KCNG4: variants seen among roughly 807,000 people sequenced by gnomAD.
KCNG4 encodes potassium voltage-gated channel modifier subfamily G member 4.
KCNG4 carries 30 observed loss-of-function variants against 28.2 expected under a neutral mutation model. The ratio of observed to expected loss-of-function variants is 1.06; its 90% CI spans 0.80 to 1.44. The LOEUF is 1.44. Among genes scored for constraint, KCNG4 ranks in the 40% most tolerant of loss-of-function variants. The pLI is 0.00. For missense variants in KCNG4, 879 were observed against 712.3 expected (o/e 1.23, Z -2.66); for synonymous variants, 375 against 315.5 (o/e 1.19, Z -2.00).
Position 84,222,145 on chromosome 16 carries a change from C to A in KCNG4, c.*72G>T, listed in dbSNP as rs564756592. The A allele has an allele frequency of 2.0e-6, 3 of 1,495,610 alleles. No individual in the cohort carries two copies. In the South Asian group the frequency reaches 3.6e-5, roughly 18 times the overall value. The allele number at this position is 1,495,610 out of a possible 1,614,324, so 92.6% of individuals were successfully genotyped here. A position where few individuals can be genotyped will look rare whatever the true frequency, so the allele number is the denominator to read the frequency against. ...TAGAAACACCACCAGGTGGTCTATG[C>A]GGGGTACCCTTGAGTGTGTTTCAGG... is the stretch of plus-strand genomic sequence containing the variant. On this transcript the variant is annotated 3_prime_UTR_variant, in exon 3 of 3. Transcript: ENST00000308251.
At chr16:84,223,441 G>A (rs775466509) in intron 2 of KCNG4, among the ~76,000 whole-genome samples, 32 of 152,160 alleles carry the variant, frequency 2.1e-4, no homozygotes, top group Non-Finnish European at 3.5e-4. Context: ...AAGAGTTGTC[G>A]ATACTCACCT....
At chr16:84,230,742 C>A (rs1408928914) in intron 2 of KCNG4, among the ~76,000 whole-genome samples, 1 of 152,242 alleles carries the variant, frequency 6.6e-6, no homozygotes, top group East Asian at 1.9e-4. Context: ...TCACCAAGGG[C>A]ACCTTACTTG....
At position 84,222,681 on chromosome 16, in the gene KCNG4, G is replaced by A. The variant is rs758835601; in HGVS notation, c.1096C>T (p.Arg366Cys). ...AGCAGGCCGAACTCACGTGTGCAAC[G>A]GCGCACGGTGAGCCCCAGCGTCTGC... ...GLQTLGLTVR[R>C]CTREFGLLLL... Residue 366 changes from arginine (R) to cysteine (C), a missense_variant, in exon 3 of 3, where the codon CGT becomes TGT. Transcript: ENST00000308251. The A allele has an allele frequency of 2.5e-5, 40 of 1,613,000 alleles. No homozygotes were observed. In the Middle Eastern group the frequency reaches 4.9e-4, roughly 20 times the overall value.
At position 84,222,974 on chromosome 16, in the gene KCNG4, A is replaced by G. The variant is rs891464913; in HGVS notation, c.803T>C (p.Ile268Thr). The G allele has an allele frequency of 1.3e-6, 2 of 1,554,644 alleles. No individual in the cohort carries two copies. The highest frequency in any genetic ancestry group is 1.7e-6 in the Non-Finnish European group (2 of 1,149,912). ...CTCCAGGGAGAACCAGGCCACGCAG[A>G]TGGTCTCCACGATGAAAATATAGTA... ...KCYYIFIVET[I>T]CVAWFSLEFC... Residue 268 changes from isoleucine to threonine, a missense_variant, in exon 3 of 3, where the codon ATC becomes ACC. By Grantham distance (89) the Ile-to-Thr change is moderately conservative. Coordinates refer to ENST00000308251, the MANE Select transcript of KCNG4 (RefSeq NM_172347.3).
chr16:84,237,446 G>C lies in KCNG4; in HGVS notation c.40C>G (p.His14Asp), dbSNP rs1331055873. 8.6e-6 allele frequency: 13 copies of C among 1,506,486 alleles called. No homozygotes were observed. Among genetic ancestry groups the C allele is most frequent in the Non-Finnish European group, 1.2e-5 (13 of 1,128,480 alleles). 93.3% of individuals were successfully genotyped at this position (1,506,486 alleles called of 1,614,324 possible). A position where few individuals can be genotyped will look rare whatever the true frequency, so the allele number is the denominator to read the frequency against. ...GGGCTGTGGGAACCATAGTGGTGGT[G>C]TCTGGGATGCAGGCCCCCGTCTCTG... ...PSRDGGLHPRHHHYGSHSPWS... is the reference protein window; with the variant it reads ...PSRDGGLHPRDHHYGSHSPWS... Residue 14 changes from histidine (H) to aspartate (D), a missense_variant, in exon 2 of 3, where the codon CAC (histidine) becomes GAC (aspartate). Coordinates refer to ENST00000308251, the MANE Select transcript of KCNG4 (RefSeq NM_172347.3).
chr16:84,222,627 G>C lies in KCNG4; in HGVS notation c.1150C>G (p.Leu384Val), dbSNP rs1157212824. Reference sequence around the variant, plus strand: ...GCCACGTAGACCAAAGGGGAGAAGAGGGTGATGGCCACGGCCAGGAAGAGA... The same window carrying C: ...GCCACGTAGACCAAAGGGGAGAAGACGGTGATGGCCACGGCCAGGAAGAGA... ...LLLFLAVAITLFSPLVYVAEK... is the reference protein window; with the variant it reads ...LLLFLAVAITVFSPLVYVAEK... The change falls in exon 3 of 3, where the codon CTC (leucine) becomes GTC (valine). Residue 384 changes from leucine (L) to valine (V), a missense_variant. By Grantham distance (32) the Leu-to-Val change is conservative (BLOSUM62 1). Coordinates refer to ENST00000308251, the MANE Select transcript of KCNG4 (RefSeq NM_172347.3). 6.2e-6 allele frequency: 10 copies of C among 1,613,380 alleles called. No individual in the cohort carries two copies. In the South Asian group the frequency reaches 1.1e-4, roughly 18 times the overall value.
In KCNG4 at chr16:84,226,029, G is replaced by A. The variant is rs1194860813; in HGVS notation, c.757-3009C>T. On this transcript the variant is annotated intron_variant, in intron 2 of 2. Coordinates refer to ENST00000308251, the MANE Select transcript of KCNG4 (RefSeq NM_172347.3). The surrounding 1 kb of genome is among the most constrained non-coding windows in gnomAD (Gnocchi z 4.1). ...AAAAAGTTTTCCTTTCTCCCTTTGT[G>A]GAAGTTCTGTGCTTAAACCCAGAAA... Among the ~76,000 whole-genome samples the A allele has an allele frequency of 6.6e-6, 1 of 152,354 alleles. No individual in the cohort carries two copies. The highest frequency in any genetic ancestry group is 1.5e-5 in the Non-Finnish European group (1 of 68,024).
intron 2 of KCNG4, among the ~76,000 whole-genome samples, chr16:84,232,866 T>C (rs1904857964): frequency 1.5e-5 from 2 of 130,730 alleles, no homozygotes; most frequent in Admixed American, 9.1e-5. Context: ...GCCACTGTAC[T>C]CCAGCCTGGG....
chr16:84,219,937 C>G lies in KCNG4; in HGVS notation c.*2280G>C, dbSNP rs1904517844. On this transcript the variant is annotated 3_prime_UTR_variant, in exon 3 of 3. Transcript: ENST00000308251. Reference sequence around the variant, plus strand: ...TAGCTGGGATTACAGGTGGTGGGTGCCTGTAATCCCCGCTATTTGGGAGGC... The same window carrying G: ...TAGCTGGGATTACAGGTGGTGGGTGGCTGTAATCCCCGCTATTTGGGAGGC... 6.6e-6 allele frequency: 1 copy of G among 151,208 alleles called. No individual in the cohort carries two copies. The highest frequency in any genetic ancestry group is 6.6e-5 in the Admixed American group (1 of 15,158). 9.4% of individuals were successfully genotyped at this position (151,208 alleles called of 1,614,324 possible).
In KCNG4 at chr16:84,236,829, G is replaced by C. The variant is rs749251732; in HGVS notation, c.657C>G (p.Pro219=). The C allele has an allele frequency of 1.2e-6, 2 of 1,613,606 alleles. No individual in the cohort carries two copies. Among genetic ancestry groups the C allele is most frequent in the Admixed American group, 1.7e-5 (1 of 60,028 alleles). ...TGGAGAGGCAAGCGAAGACCTTCCC[G>C]GGCAGCCCGGACTGCGGGTTTTCCA... is the stretch of plus-strand genomic sequence containing the variant. ...EMVENPQSGL[P]GKVFACLSIL... The change falls in exon 2 of 3, where the codon CCC becomes CCG. Residue 219 remains proline (P), a synonymous_variant. Coordinates refer to ENST00000308251, the MANE Select transcript of KCNG4 (RefSeq NM_172347.3).
intron 2 of KCNG4, among the ~76,000 whole-genome samples, chr16:84,229,912 A>G (rs1257658374): frequency 2.0e-5 from 3 of 152,250 alleles, no homozygotes; most frequent in African/African-American, 4.8e-5. Flanking sequence ...CCAAGCACAG[A>G]GAAGCTCCAG....
At chr16:84,229,329 G>C (rs1422825547) in intron 2 of KCNG4, among the ~76,000 whole-genome samples, 1 of 152,100 alleles carries the variant, frequency 6.6e-6, no homozygotes, top group Non-Finnish European at 1.5e-5. Flanking sequence ...CTGCCACTGA[G>C]GGAGCATTAC....
At position 84,220,766 on chromosome 16, in the gene KCNG4, T is replaced by C. The variant is rs1272788890; in HGVS notation, c.*1451A>G. ...GGAGAAGCCAGGATTTGACAGAATC[T>C]TGCAGGATTAAGCCCGTGAAGGAGG... On this transcript the variant is annotated 3_prime_UTR_variant, in exon 3 of 3. Coordinates refer to ENST00000308251, the MANE Select transcript of KCNG4 (RefSeq NM_172347.3). The C allele has an allele frequency of 6.6e-6, 1 of 152,284 alleles. No individual in the cohort carries two copies. The highest frequency in any genetic ancestry group is 1.5e-5 in the Non-Finnish European group (1 of 68,084). The allele number at this position is 152,284 out of a possible 1,614,324, so 9.4% of individuals were successfully genotyped here. A position where few individuals can be genotyped will look rare whatever the true frequency, so the allele number is the denominator to read the frequency against.
At chr16:84,238,859 C>G (rs1311206747) in intron 1 of KCNG4, among the ~76,000 whole-genome samples, 1 of 151,794 alleles carries the variant, frequency 6.6e-6, no homozygotes, top group Non-Finnish European at 1.5e-5. Context: ...CAGAGCGAGA[C>G]TCCATCTCAA....
rs199773449 is a variant in KCNG4 at position 84,222,531 on chromosome 16, T to C, written c.1246A>G (p.Met416Val). The C allele has an allele frequency of 6.2e-7, 1 of 1,613,474 alleles. No individual in the cohort carries two copies. The highest frequency in any genetic ancestry group is 1.3e-5 in the African/African-American group (1 of 75,042). The change falls in exon 3 of 3, where the codon ATG (methionine) becomes GTG (valine). Residue 416 changes from methionine (M) to valine (V), a missense_variant. Met to Val is a conservative substitution (Grantham distance 21, BLOSUM62 1). Coordinates refer to ENST00000308251, the MANE Select transcript of KCNG4 (RefSeq NM_172347.3). The stretch of plus-strand genomic sequence containing the variant: ...ATGTCCCCGTAGCCCACCGTTGTCA[T>C]GGAGATGATGGCCCACCAATAGGAG... ...PASYWWAIIS[M>V]TTVGYGDMVP...
chr16:84,237,234 G>C lies in KCNG4; in HGVS notation c.252C>G (p.Arg84=). Residue 84 remains arginine, a synonymous_variant, in exon 2 of 3, where the codon CGC becomes CGG. Transcript: ENST00000308251. ...WSTLDRFPLS[R]LSKLRLCRSY... ...TCCGACAGAGCCTGAGTTTGCTCAG[G>C]CGGCTCAGCGGGAACCGGTCCAGTG... is the stretch of plus-strand genomic sequence containing the variant. 6.2e-7 allele frequency: 1 copy of C among 1,614,082 alleles called. No homozygotes were observed. Among genetic ancestry groups the C allele is most frequent in the Non-Finnish European group, 8.5e-7 (1 of 1,180,020 alleles).
rs188668985 is a variant in KCNG4, at chr16:84,230,878, G to A, written c.756+5852C>T. The stretch of plus-strand genomic sequence containing the variant: ...AAGGCCGGCAGGGCTGGTCCTGCGC[G>A]TGGCGAGTTCGCCTGCTTCTCCCAC... On this transcript the variant is annotated intron_variant, in intron 2 of 2. Coordinates refer to ENST00000308251, the MANE Select transcript of KCNG4 (RefSeq NM_172347.3). Among the ~76,000 whole-genome samples, 77 of 152,372 alleles carry A rather than the reference G, an allele frequency of 5.1e-4. 1 individual carries two copies. The highest frequency in any genetic ancestry group is 6.8e-3 in the Middle Eastern group (2 of 294).
rs952934626 is a variant in KCNG4 at position 84,219,828 on chromosome 16, C to T, written c.*2389G>A. On this transcript the variant is annotated 3_prime_UTR_variant, in exon 3 of 3. Transcript: ENST00000308251. ...CCGAGGCAGGCGGATCACCTGACAT[C>T]AGGAGTTCAAGACCAGCCTGTCCAC... The T allele has an allele frequency of 1.8e-4, 27 of 151,968 alleles. No individual in the cohort carries two copies. The highest frequency in any genetic ancestry group is 5.6e-4 in the African/African-American group (23 of 41,346). The allele number at this position is 151,968 out of a possible 1,614,324, so 9.4% of individuals were successfully genotyped here.
intron 2 of KCNG4, among the ~76,000 whole-genome samples, chr16:84,234,797 T>C (rs1904907804): frequency 6.6e-6 from 1 of 152,160 alleles, no homozygotes; most frequent in South Asian, 2.1e-4. Flanking sequence ...AAATAAGGAA[T>C]ACAAAGCACG....
Sources: allele counts gnomAD v4.1 joint callset (sites outside exome capture counted in the v4.1 genomes callset), GRCh38; gene constraint gnomAD v4.1.1; non-coding constraint Gnocchi (gnomAD v3.1); transcripts MANE v1.5; gene names NCBI Gene and HGNC (gene_info 2026-07-23, HGNC 2026-07-21).